Variants in TNS1 observed in about 807,000 individuals in gnomAD.
TNS1 encodes the protein tensin 1.
In TNS1, 62 loss-of-function variants were observed where a neutral mutation model predicts 168.6. The observed-to-expected ratio is 0.37, with a 90% confidence interval of 0.30 to 0.45. The LOEUF is 0.45. TNS1 is among the 20% of genes least tolerant of loss of function. The pLI is 1.00. For synonymous variants in TNS1, 934 were observed against 933.2 expected (o/e 1.00, Z -0.02); for missense variants, 2,240 against 2,339.4 (o/e 0.96, Z 0.88).
intron 18 of TNS1, among the ~76,000 whole-genome samples, chr2:217,873,884 G>A (rs778817725): frequency 1.3e-5 from 2 of 152,120 alleles, no homozygotes; most frequent in Non-Finnish European, 2.9e-5. Context: ...GAATGCCTGT[G>A]CAACCCCACC....
chr2:217,841,561 CT>C (rs1393603051), intron 19 of TNS1, among the ~76,000 whole-genome samples: 1 of 152,148 alleles, frequency 6.6e-6, no homozygotes, highest in African/African-American at 2.4e-5. Context: ...CAAGGTCCTG[CT>C]TCTCCAAGAG....
chr2:217,842,229 C>G (rs1408753007), intron 19 of TNS1: 5 of 627,850 alleles, frequency 8.0e-6, no homozygotes, highest in Non-Finnish European at 1.4e-5. Flanking sequence ...TACACGTCAA[C>G]AATTCCCATA....
intron 16 of TNS1, among the ~76,000 whole-genome samples, chr2:217,884,735 T>G (rs982077715): frequency 6.6e-6 from 1 of 152,076 alleles, no homozygotes; most frequent in Non-Finnish European, 1.5e-5. Context: ...AGGACACATG[T>G]GACAAACTGG....
intron 16 of TNS1, among the ~76,000 whole-genome samples, chr2:217,882,875 AAC>A (rs1245874963): frequency 6.6e-6 from 1 of 152,056 alleles, no homozygotes; most frequent in Non-Finnish European, 1.5e-5. Flanking sequence ...AGCTCACTGC[AAC>A]CTCAATCTCC....
intron 3 of TNS1, among the ~76,000 whole-genome samples, chr2:217,945,231 G>T (rs1271933310): frequency 6.6e-6 from 1 of 152,160 alleles, no homozygotes. Flanking sequence ...GCGACAGAAA[G>T]GTCTTTAAGA....
intron 1 of TNS1, among the ~76,000 whole-genome samples, chr2:218,023,542 G>A (rs1958827739): frequency 6.6e-6 from 1 of 152,092 alleles, no homozygotes; most frequent in Non-Finnish European, 1.5e-5. Context: ...CAAGTGAAGA[G>A]GTCAACTAGA....
chr2:217,822,898 T>A (rs1943091054), intron 22 of TNS1, among the ~76,000 whole-genome samples: 1 of 152,194 alleles, frequency 6.6e-6, no homozygotes, highest in Middle Eastern at 3.2e-3. Context: ...CGGGCCATGA[T>A]CCGGGAGGAA....
intron 1 of TNS1, among the ~76,000 whole-genome samples, chr2:218,021,495 A>G (rs1958806210): frequency 6.6e-6 from 1 of 152,164 alleles, no homozygotes; most frequent in Admixed American, 6.5e-5. Context: ...CTCAATCTAC[A>G]ACGCAACTGC....
rs138801490 is a variant in TNS1 at position 217,990,933 on chromosome 2, G to A, written c.148+9C>T. 91 of 641,496 alleles carry A rather than the reference G, an allele frequency of 1.4e-4. 1 individual carries two copies. Among genetic ancestry groups the A allele is most frequent in the South Asian group, 6.5e-4 (38 of 58,756 alleles). The allele number at this position is 641,496 out of a possible 1,614,324, so 39.7% of individuals were successfully genotyped here. On this transcript the variant is annotated intron_variant, in intron 2 of 32. Transcript: ENST00000682258. The stretch of plus-strand genomic sequence containing the variant: ...GCTCCCATCCCCCACAGCCCAGACC[G>A]CTGCTCACCTTTGCAGGTGCAGCCT...
intron 3 of TNS1, among the ~76,000 whole-genome samples, chr2:217,961,436 G>T (rs1957494822): frequency 6.6e-6 from 1 of 152,118 alleles, no homozygotes; most frequent in African/African-American, 2.4e-5. Context: ...TGTGTCCCCA[G>T]GAGGAGTGAA....
rs956029633 is a variant in TNS1, at chr2:217,821,876, A to G, written c.3436T>C (p.Ser1146Pro). The G allele has an allele frequency of 1.3e-6, 2 of 1,589,874 alleles. No homozygotes were observed. The highest frequency in any genetic ancestry group is 1.7e-6 in the Non-Finnish European group (2 of 1,168,982). The part of the protein sequence containing the change: ...TAVAGPRAQD[S>P]EPKSFSAPAT... ...GGAGCACTAAAGCTCTTGGGCTCAGAGTCCTGAGCTCGGGGTCCAGCCACC... is the reference window on the plus strand; with the variant it reads ...GGAGCACTAAAGCTCTTGGGCTCAGGGTCCTGAGCTCGGGGTCCAGCCACC... The change falls in exon 23 of 33, where the codon TCT (serine) becomes CCT (proline). Residue 1146 changes from serine to proline, a missense_variant. Coordinates refer to ENST00000682258, the MANE Select transcript of TNS1 (RefSeq NM_001387777.1).
chr2:217,830,000 C>A, intron 22 of TNS1: 1 of 1,502,158 alleles, frequency 6.7e-7, no homozygotes, highest in Non-Finnish European at 8.9e-7. Context: ...GGGATTATTT[C>A]TTGAGAAAGA....
chr2:217,926,994 A>G (rs1218132076), intron 3 of TNS1, among the ~76,000 whole-genome samples: 2 of 152,132 alleles, frequency 1.3e-5, no homozygotes, highest in Non-Finnish European at 1.5e-5. Context: ...GGCAGGCTCC[A>G]TGGAGCAAGG....
rs1950579666 is a variant in TNS1, at chr2:217,880,499, C to T, written c.1429+399G>A. 6.6e-6 allele frequency among the ~76,000 whole-genome samples: 1 copy of T among 152,104 alleles called. No homozygotes were observed. The highest frequency in any genetic ancestry group is 6.5e-5 in the Admixed American group (1 of 15,276). On this transcript the variant is annotated intron_variant, in intron 18 of 32. Coordinates refer to ENST00000682258, the MANE Select transcript of TNS1 (RefSeq NM_001387777.1). This position sits in a 1 kb window ranked among gnomAD's most constrained non-coding sequence, Gnocchi z 4.2. The stretch of plus-strand genomic sequence containing the variant: ...GGGTTTAATACACATGTGACAAATG[C>T]TGTTTTTGCAGCACAGTGGGGGGTA...
chr2:218,026,209 A>G (rs751871741), intron 1 of TNS1, among the ~76,000 whole-genome samples: 1 of 152,206 alleles, frequency 6.6e-6, no homozygotes, highest in Non-Finnish European at 1.5e-5. Context: ...GAGAGGTTAC[A>G]TAAGATCTTC....
At chr2:217,937,175 TCTACTCCC>T (rs111945882) in intron 3 of TNS1, 94,183 of 381,356 alleles carry the variant, frequency 0.25, 17,305 homozygotes, top group African/African-American at 0.67. Flanking sequence ...CAACACTCTG[TCTACTCCC>T]CTACTCCCCT....
At chr2:217,892,528 A>C (rs1015730318) in intron 11 of TNS1, among the ~76,000 whole-genome samples, 1 of 152,234 alleles carries the variant, frequency 6.6e-6, no homozygotes, top group African/African-American at 2.4e-5. Context: ...AGGTAGGAAG[A>C]GGGCCCTGTT....
At chr2:217,996,373 G>A (rs1227924478) in intron 1 of TNS1, among the ~76,000 whole-genome samples, 2 of 152,144 alleles carry the variant, frequency 1.3e-5, no homozygotes, top group African/African-American at 2.4e-5. Context: ...GGCCTGGTGG[G>A]CATCCAGCGT....
chr2:217,942,467 G>A (rs935193988), intron 3 of TNS1, among the ~76,000 whole-genome samples: 3 of 152,170 alleles, frequency 2.0e-5, no homozygotes, highest in African/African-American at 7.2e-5. Flanking sequence ...CCCTGGGCCA[G>A]AGGTTTCAGG....
Sources: allele counts gnomAD v4.1 joint callset (sites outside exome capture counted in the v4.1 genomes callset), GRCh38; gene constraint gnomAD v4.1.1; non-coding constraint Gnocchi (gnomAD v3.1); transcripts MANE v1.5; gene names NCBI Gene and HGNC (gene_info 2026-07-23, HGNC 2026-07-21).